The following RBM39 variants were observed in gnomAD, a reference collection of about 807,000 sequenced individuals.
RBM39 encodes RNA binding motif protein 39, also known as RNA-binding protein 39.
A neutral mutation model predicts 79.6 loss-of-function variants in RBM39; 12 were observed. The ratio of observed to expected loss-of-function variants is 0.15; its 90% CI spans 0.10 to 0.24. RBM39 has a LOEUF of 0.24. Ranked by LOEUF, RBM39 falls within the 10% of genes least tolerant of loss-of-function variation. The pLI, the probability that RBM39 is intolerant of heterozygous loss-of-function variation, is 1.00. For synonymous variants in RBM39, 185 were observed against 208.4 expected (o/e 0.89, Z 0.97); for missense variants, 243 against 653.4 (o/e 0.37, Z 6.85).
rs776578176 is a variant in RBM39 at position 35,704,459 on chromosome 20, A to T, written c.*22T>A. ...TCTCAAGAAAGAAAAAAAGCTATAT[A>T]CATAAGGGACTATATCTTCCTTCAT... On this transcript the variant is annotated 3_prime_UTR_variant, in exon 17 of 17. Coordinates refer to ENST00000253363, the MANE Select transcript of RBM39 (RefSeq NM_184234.3). The T allele has an allele frequency of 1.3e-6, 2 of 1,512,968 alleles. No individual in the cohort carries two copies. The highest frequency in any genetic ancestry group is 1.8e-6 in the Non-Finnish European group (2 of 1,098,864). The allele number at this position is 1,512,968 out of a possible 1,614,324, so 93.7% of individuals were successfully genotyped here. A position where few individuals can be genotyped will look rare whatever the true frequency, so the allele number is the denominator to read the frequency against.
intron 3 of RBM39, chr20:35,734,166 T>C (rs1319777813): frequency 7.8e-7 from 1 of 1,282,570 alleles, no homozygotes; most frequent in African/African-American, 1.5e-5. Flanking sequence ...GCATTGAAAA[T>C]AGAAAATGAA....
Position 35,702,026 on chromosome 20 carries a change from C to A in RBM39, c.*2455G>T, listed in dbSNP as rs984515937. On this transcript the variant is annotated 3_prime_UTR_variant, in exon 17 of 17. Coordinates refer to ENST00000253363, the MANE Select transcript of RBM39 (RefSeq NM_184234.3). ...TCCAGATGATTTTCTAACCACTCAT[C>A]AACAATCTATATAGCTTGCCCTCCA... is the stretch of plus-strand genomic sequence containing the variant. 1 of 152,174 alleles carries A rather than the reference C, an allele frequency of 6.6e-6. No homozygotes were observed. The highest frequency in any genetic ancestry group is 1.5e-5 in the Non-Finnish European group (1 of 68,020). The allele number at this position is 152,174 out of a possible 1,614,324, so 9.4% of individuals were successfully genotyped here.
chr20:35,709,311 T>G (rs755005003), intron 12 of RBM39, 37 bp from the exon 13 acceptor site: 1 of 1,521,994 alleles, frequency 6.6e-7, no homozygotes, highest in Non-Finnish European at 9.0e-7. Flanking sequence ...GAGCCTCAAC[T>G]AACAGGGTAA....
At chr20:35,714,127 C>T in intron 11 of RBM39, 58 bp downstream of exon 11, 3 of 1,535,080 alleles carry the variant, frequency 2.0e-6, no homozygotes, top group Non-Finnish European at 2.7e-6. Context: ...ACATGGCTAC[C>T]TTTCTTTTCC....
chr20:35,724,867 T>C lies in RBM39; in HGVS notation c.535-145A>G, dbSNP rs1006628000. 1.8e-5 allele frequency: 21 copies of C among 1,165,180 alleles called. No homozygotes were observed. In the East Asian group the frequency reaches 5.2e-4, roughly 29 times the overall value. The allele number at this position is 1,165,180 out of a possible 1,614,324, so 72.2% of individuals were successfully genotyped here. ...TAGGACAATTCCTATATCCTATCTTTATCTTTGAACAAATTTGTAGTAACA... is the reference window on the plus strand; with the variant it reads ...TAGGACAATTCCTATATCCTATCTTCATCTTTGAACAAATTTGTAGTAACA... On this transcript the variant is annotated intron_variant, in intron 7 of 16. Transcript: ENST00000253363.
intron 12 of RBM39, among the ~76,000 whole-genome samples, chr20:35,710,051 GC>G (rs1488914151): frequency 2.0e-5 from 3 of 152,300 alleles, no homozygotes; most frequent in South Asian, 2.1e-4. Flanking sequence ...TCTGAAAGCT[GC>G]TACAGAGTGA....
chr20:35,712,205 A>G (rs2036502591), intron 12 of RBM39, among the ~76,000 whole-genome samples: 1 of 152,076 alleles, frequency 6.6e-6, no homozygotes, highest in Non-Finnish European at 1.5e-5. Context: ...GCAGTGGCTC[A>G]CATCTGTAAG....
intron 12 of RBM39, 87 bp from the exon 13 acceptor site, chr20:35,709,361 G>T: frequency 8.7e-7 from 1 of 1,154,456 alleles, no homozygotes; most frequent in Non-Finnish European, 1.2e-6. Flanking sequence ...TACAATAGCA[G>T]GGTTCATTCA....
At position 35,732,232 on chromosome 20, in the gene RBM39, A is replaced by C. The variant is rs1047868412; in HGVS notation, c.102-97T>G. 5.1e-6 allele frequency: 6 copies of C among 1,175,610 alleles called. No individual in the cohort carries two copies. The Admixed American group carries it at 1.2e-4, about 24-fold the overall frequency. The allele number at this position is 1,175,610 out of a possible 1,614,324, so 72.8% of individuals were successfully genotyped here. ...AGAATCATTTTTTCATCCTTTCATA[A>C]ATTTCTTTGGCTAGTTTTACTATGA... On this transcript the variant is annotated intron_variant, in intron 3 of 16. Transcript: ENST00000253363.
chr20:35,709,411 C>A, intron 12 of RBM39, 137 bp from the exon 13 acceptor site: 1 of 668,390 alleles, frequency 1.5e-6, no homozygotes, highest in Non-Finnish European at 2.5e-6. Flanking sequence ...CCTCCTTCCC[C>A]ATTCCTCATT....
At chr20:35,735,278 G>A (rs2039786195) in intron 3 of RBM39, among the ~76,000 whole-genome samples, 1 of 152,116 alleles carries the variant, frequency 6.6e-6, no homozygotes, top group Non-Finnish European at 1.5e-5. Context: ...ATTCCCATGA[G>A]GGCAAGCTCA....
intron 9 of RBM39, among the ~76,000 whole-genome samples, chr20:35,718,262 A>C (rs1373694690): frequency 1.3e-5 from 2 of 149,090 alleles, no homozygotes; most frequent in Non-Finnish European, 3.0e-5. Flanking sequence ...CTATGGAAGG[A>C]TATAAAAAAC....
At chr20:35,731,909 C>A (rs1206788477) in intron 4 of RBM39, 32 bp downstream of exon 4, 3 of 1,603,400 alleles carry the variant, frequency 1.9e-6, no homozygotes, top group Non-Finnish European at 2.6e-6. Flanking sequence ...GAGAATAACC[C>A]TCAAACCAAA....
chr20:35,726,786 G>A lies in RBM39; in HGVS notation c.417-1631C>T, dbSNP rs187264041. On this transcript the variant is annotated intron_variant, in intron 6 of 16. Transcript: ENST00000253363. ...TTTTTTGGACACTCTCAGGATGTACGGGGGTTGGGGTGGTCGCTCCACCTG... is the reference window on the plus strand; with the variant it reads ...TTTTTTGGACACTCTCAGGATGTACAGGGGTTGGGGTGGTCGCTCCACCTG... 4.8e-4 allele frequency among the ~76,000 whole-genome samples: 73 copies of A among 152,206 alleles called. No homozygotes were observed. The East Asian group carries it at 5.6e-3, about 12-fold the overall frequency.
At chr20:35,724,956 A>T in intron 7 of RBM39, 82 bp downstream of exon 7, 1 of 1,094,852 alleles carries the variant, frequency 9.1e-7, no homozygotes, top group Middle Eastern at 3.1e-4. Context: ...TACTGCTACT[A>T]AATCAAATGA....
chr20:35,741,611 T>C (rs1167076260), intron 1 of RBM39: 1 of 152,124 alleles, frequency 6.6e-6, no homozygotes, highest in Non-Finnish European at 1.5e-5. Context: ...CGCGCTGCCA[T>C]TTTAGGGGCA....
intron 3 of RBM39, among the ~76,000 whole-genome samples, chr20:35,738,396 G>A (rs1600658514): frequency 6.6e-6 from 1 of 152,308 alleles, no homozygotes; most frequent in East Asian, 1.9e-4. Flanking sequence ...AAAGTGTACA[G>A]ATATATTCAT....
chr20:35,709,326 C>A, intron 12 of RBM39, 52 bp from the exon 13 acceptor site: 1 of 1,447,288 alleles, frequency 6.9e-7, no homozygotes, highest in South Asian at 1.2e-5. Flanking sequence ...GGGTAAATGT[C>A]AGGAAAGCAT....
At chr20:35,716,875 G>T in intron 9 of RBM39, 70 bp from the exon 10 acceptor site, 1 of 1,065,868 alleles carries the variant, frequency 9.4e-7, no homozygotes, top group Non-Finnish European at 1.4e-6. Context: ...CCTGAGACAT[G>T]GTTTTAAAAA....
Sources: allele counts gnomAD v4.1 joint callset (sites outside exome capture counted in the v4.1 genomes callset), GRCh38; gene constraint gnomAD v4.1.1; transcripts MANE v1.5; gene names NCBI Gene and HGNC (gene_info 2026-07-23, HGNC 2026-07-21).